Variants in USP15 observed in about 807,000 individuals in gnomAD.
USP15 encodes the protein ubiquitin specific peptidase 15, also known as ubiquitin carboxyl-terminal hydrolase 15.
A neutral mutation model predicts 127.1 loss-of-function variants in USP15; 18 were observed. That is an observed-to-expected ratio of 0.14 (90% confidence interval 0.10 to 0.21). The LOEUF (loss-of-function observed/expected upper bound fraction) is 0.21. USP15 is among the 10% of genes least tolerant of loss of function. The pLI, the probability that USP15 is intolerant of heterozygous loss-of-function variation, is 1.00. For missense variants in USP15, 805 were observed against 1,159.9 expected (o/e 0.69, Z 4.44); for synonymous variants, 364 against 393.7 (o/e 0.92, Z 0.89).
At chr12:62,364,649 T>C (rs2066423100) in intron 8 of USP15, among the ~76,000 whole-genome samples, 2 of 152,060 alleles carry the variant, frequency 1.3e-5, no homozygotes, top group Admixed American at 1.3e-4. Flanking sequence ...GCCAAGGTGG[T>C]TTGCTGTACT....
rs1163911585 is a variant in USP15 at position 62,407,053 on chromosome 12, T to C, written c.*2678T>C. The C allele has an allele frequency of 1.3e-5, 2 of 152,168 alleles. No individual in the cohort carries two copies. The highest frequency in any genetic ancestry group is 2.9e-5 in the Non-Finnish European group (2 of 68,036). The allele number at this position is 152,168 out of a possible 1,614,324, so 9.4% of individuals were successfully genotyped here. Reference sequence around the variant, plus strand: ...TACTTCTAGCTTTGCCACTTAGCAATCATATGACTTTGAACTTAATCTTTG... The same window carrying C: ...TACTTCTAGCTTTGCCACTTAGCAACCATATGACTTTGAACTTAATCTTTG... On this transcript the variant is annotated 3_prime_UTR_variant, in exon 22 of 22. Transcript: ENST00000280377.
chr12:62,288,145 A>G (rs1211534934), intron 1 of USP15, among the ~76,000 whole-genome samples: 1 of 151,992 alleles, frequency 6.6e-6, no homozygotes, highest in East Asian at 1.9e-4. Context: ...TGGTATTTTG[A>G]TAGAAATTAC....
Position 62,349,167 on chromosome 12 carries a change from A to C in USP15, c.684-54A>C. 3 of 1,071,626 alleles carry C rather than the reference A, an allele frequency of 2.8e-6. No individual in the cohort carries two copies. In the South Asian group the frequency reaches 5.6e-5, roughly 20 times the overall value. 66.4% of individuals were successfully genotyped at this position (1,071,626 alleles called of 1,614,324 possible). ...TCATCTGTTCTTTTATTTCATAATT[A>C]ATTTAAAAATTCTTCATTTTTTTAT... On this transcript the variant is annotated intron_variant, in intron 6 of 21. Transcript: ENST00000280377.
chr12:62,328,628 T>G (rs967786375), intron 6 of USP15, among the ~76,000 whole-genome samples: 1 of 152,170 alleles, frequency 6.6e-6, no homozygotes, highest in Non-Finnish European at 1.5e-5. Context: ...TTAAAGCACA[T>G]CAGTGTCTCC....
Position 62,389,814 on chromosome 12 carries a change from A to G in USP15, c.1670A>G (p.Asn557Ser), listed in dbSNP as rs762617014. The G allele has an allele frequency of 3.5e-5, 56 of 1,612,320 alleles. No individual in the cohort carries two copies. In the East Asian group the frequency reaches 9.4e-4, roughly 27 times the overall value. ...CCTTGTAGGTTTGAAATTAACATCA[A>G]TAGGACAGAAGATACAGAGCACGTG... ...DDIYVFEINI[N>S]RTEDTEHVII... The change falls in exon 14 of 22, where the codon AAT becomes AGT. Residue 557 changes from asparagine to serine, a missense_variant. Asn to Ser is a conservative substitution (Grantham distance 46). This residue lies in a region of USP15 where 82 missense variants were observed against 104.4 expected (regional missense o/e 0.79). Transcript: ENST00000280377.
At chr12:62,367,003 G>T (rs984352623) in intron 8 of USP15, among the ~76,000 whole-genome samples, 6 of 152,068 alleles carry the variant, frequency 3.9e-5, no homozygotes, top group Non-Finnish European at 7.4e-5. Flanking sequence ...ATATTGGCCT[G>T]AAATTTTCTT....
intron 4 of USP15, 21 bp downstream of exon 4, chr12:62,314,937 GT>G: frequency 6.5e-7 from 1 of 1,541,652 alleles, no homozygotes; most frequent in Non-Finnish European, 8.7e-7. Flanking sequence ...ATCCTGTCTT[GT>G]TTTTAATCCA....
chr12:62,398,517 A>G (rs1366031885), intron 20 of USP15, among the ~76,000 whole-genome samples: 1 of 152,152 alleles, frequency 6.6e-6, no homozygotes, highest in Non-Finnish European at 1.5e-5. Flanking sequence ...TTTCAATTGT[A>G]TGTATGTTTT....
chr12:62,413,253 G>A lies in USP15; in HGVS notation c.*8878G>A, dbSNP rs2068079789. The A allele has an allele frequency of 6.6e-6, 1 of 152,086 alleles. No homozygotes were observed. The highest frequency in any genetic ancestry group is 6.6e-5 in the Admixed American group (1 of 15,260). The allele number at this position is 152,086 out of a possible 1,614,324, so 9.4% of individuals were successfully genotyped here. On this transcript the variant is annotated 3_prime_UTR_variant, in exon 22 of 22. Coordinates refer to ENST00000280377, the MANE Select transcript of USP15 (RefSeq NM_001252078.2). ...TCCAGGCTTTATGGTTCCTTTTATAGAGCAAAAACATTATATTTAGTTTAA... is the reference window on the plus strand; with the variant it reads ...TCCAGGCTTTATGGTTCCTTTTATAAAGCAAAAACATTATATTTAGTTTAA...
At chr12:62,375,907 C>T (rs187266887) in intron 8 of USP15, among the ~76,000 whole-genome samples, 224 of 152,248 alleles carry the variant, frequency 1.5e-3, no homozygotes, top group African/African-American at 5.2e-3. Flanking sequence ...GTTACCTTTC[C>T]TTGTGGATCA....
At position 62,291,969 on chromosome 12, in the gene USP15, G is replaced by T. The variant is rs146901746; in HGVS notation, c.90-2210G>T. Among the ~76,000 whole-genome samples the T allele has an allele frequency of 4.2e-3, 638 of 152,316 alleles. 2 individuals carry two copies. Among genetic ancestry groups the T allele is most frequent in the Non-Finnish European group, 6.6e-3 (451 of 68,024 alleles). ...CCAGGCCAATAAGTAGCATTTGCAG[G>T]TATGAGTCAGCTTCAGTGGTAACAG... is the stretch of plus-strand genomic sequence containing the variant. On this transcript the variant is annotated intron_variant, in intron 1 of 21. Coordinates refer to ENST00000280377, the MANE Select transcript of USP15 (RefSeq NM_001252078.2).
rs2066989795 is a variant in USP15 at position 62,381,475 on chromosome 12, T to C, written c.916-15T>C. Reference sequence around the variant, plus strand: ...ATGATTACTTTTACTTGAAAATATATTTTATTTTTTGCAGTGTTTGAGCAA... The same window carrying C: ...ATGATTACTTTTACTTGAAAATATACTTTATTTTTTGCAGTGTTTGAGCAA... On this transcript the variant is annotated splice_polypyrimidine_tract_variant and intron_variant, in intron 8 of 21. Transcript: ENST00000280377. 6 of 1,569,480 alleles carry C rather than the reference T, an allele frequency of 3.8e-6. No homozygotes were observed. Among genetic ancestry groups the C allele is most frequent in the Non-Finnish European group, 5.2e-6 (6 of 1,158,814 alleles).
intron 1 of USP15, among the ~76,000 whole-genome samples, chr12:62,291,005 C>T (rs1316138003): frequency 1.3e-5 from 2 of 152,004 alleles, no homozygotes; most frequent in African/African-American, 4.8e-5. Flanking sequence ...ATGGAGTTTC[C>T]TTTGTAGGTG....
At chr12:62,401,778 G>A (rs184542906) in intron 21 of USP15, among the ~76,000 whole-genome samples, 112 of 151,298 alleles carry the variant, frequency 7.4e-4, no homozygotes, top group African/African-American at 2.5e-3. Context: ...GATATTTTCT[G>A]AATAGTAAAA....
chr12:62,331,436 A>G (rs761340117), intron 6 of USP15, among the ~76,000 whole-genome samples: 1 of 152,358 alleles, frequency 6.6e-6, no homozygotes, highest in Non-Finnish European at 1.5e-5. Flanking sequence ...GGTGAACCAC[A>G]TAGTGGCATC....
At chr12:62,387,074 G>C (rs2067173986) in intron 11 of USP15, among the ~76,000 whole-genome samples, 1 of 152,128 alleles carries the variant, frequency 6.6e-6, no homozygotes, top group African/African-American at 2.4e-5. Flanking sequence ...ATTGAACGTG[G>C]TGGCCTAACA....
At chr12:62,287,908 G>A (rs990376332) in intron 1 of USP15, among the ~76,000 whole-genome samples, 9 of 152,082 alleles carry the variant, frequency 5.9e-5, no homozygotes, top group South Asian at 2.1e-4. Flanking sequence ...AAGGTATGTG[G>A]CTTTATTTCT....
At chr12:62,392,591 G>A (rs2067358353) in intron 18 of USP15, among the ~76,000 whole-genome samples, 1 of 152,004 alleles carries the variant, frequency 6.6e-6, no homozygotes, top group South Asian at 2.1e-4. Flanking sequence ...TTTTATTACT[G>A]TGTTTTTCAT....
chr12:62,347,072 G>C (rs1389813131), intron 6 of USP15, among the ~76,000 whole-genome samples: 1 of 151,948 alleles, frequency 6.6e-6, no homozygotes, highest in Non-Finnish European at 1.5e-5. Context: ...CCTATTGTGA[G>C]CTGTTTGAGG....
Sources: gnomAD v4.1 joint callset for allele counts (sites outside exome capture counted in the v4.1 genomes callset) on GRCh38, gnomAD v4.1.1 for gene constraint, gnomAD v4.1.1 regional missense constraint, MANE v1.5 for transcripts, NCBI Gene and HGNC (gene_info 2026-07-23, HGNC 2026-07-21) for gene names.